LOC128462377: variants seen among roughly 807,000 people sequenced by gnomAD.
the LOC128462377 span, among the ~76,000 whole-genome samples, chr16:89,343,187 C>T: frequency 6.6e-6 from 1 of 152,130 alleles, no homozygotes; most frequent in Non-Finnish European, 1.5e-5. Flanking sequence ...GACGGGGTTT[C>T]ACCATGTTGG....
chr16:89,386,021 G>A, the LOC128462377 span, among the ~76,000 whole-genome samples: 15 of 152,350 alleles, frequency 9.8e-5, 1 homozygote, highest in African/African-American at 2.9e-4. Context: ...CTGGGACCAC[G>A]GGTGTGCGCC....
chr16:89,367,548 C>T, the LOC128462377 span, among the ~76,000 whole-genome samples: 2 of 152,192 alleles, frequency 1.3e-5, no homozygotes, highest in African/African-American at 4.8e-5. Context: ...CAGTCCCTGC[C>T]GCCTGCTCCC....
At chr16:89,403,406 C>A in the LOC128462377 span, among the ~76,000 whole-genome samples, 5 of 152,278 alleles carry the variant, frequency 3.3e-5, no homozygotes, top group South Asian at 1.0e-3. Flanking sequence ...AGAGCACACG[C>A]AGGTGAGGGC....
At chr16:89,322,899 A>C in the LOC128462377 span, among the ~76,000 whole-genome samples, 1 of 152,232 alleles carries the variant, frequency 6.6e-6, no homozygotes, top group Non-Finnish European at 1.5e-5. Context: ...GCTGGAGTGC[A>C]GCGGTGTGAT....
At chr16:89,377,704 G>C in the LOC128462377 span, among the ~76,000 whole-genome samples, 1 of 152,070 alleles carries the variant, frequency 6.6e-6, no homozygotes, top group Non-Finnish European at 1.5e-5. Context: ...TTAACTTCTT[G>C]TACAACACAC....
the LOC128462377 span, among the ~76,000 whole-genome samples, chr16:89,408,541 G>A: frequency 1.3e-5 from 2 of 152,208 alleles, no homozygotes; most frequent in African/African-American, 2.4e-5. Context: ...TGGCAGGAGT[G>A]TAACAGCCAG....
At chr16:89,398,664 C>T in the LOC128462377 span, among the ~76,000 whole-genome samples, 108 of 152,234 alleles carry the variant, frequency 7.1e-4, 1 homozygote, top group African/African-American at 2.5e-3. Flanking sequence ...AAGGTTTGAG[C>T]CCGGGAGGTT....
chr16:89,338,662 T>C, the LOC128462377 span, among the ~76,000 whole-genome samples: 1 of 139,140 alleles, frequency 7.2e-6, no homozygotes, highest in Non-Finnish European at 1.5e-5. Flanking sequence ...GAAGCTGAGG[T>C]TGCAGTGAGC....
At chr16:89,355,228 G>GGGAGGGC in the LOC128462377 span, among the ~76,000 whole-genome samples, 5 of 151,678 alleles carry the variant, frequency 3.3e-5, no homozygotes, top group Non-Finnish European at 7.4e-5. Flanking sequence ...GGCTCACGGA[G>GGGAGGGC]GGAGGGCGGA....
chr16:89,381,388 T>C, the LOC128462377 span, among the ~76,000 whole-genome samples: 2 of 148,192 alleles, frequency 1.3e-5, no homozygotes, highest in South Asian at 4.3e-4. Context: ...TTCAGACTAT[T>C]AGAAGCAAGA....
At chr16:89,321,933 G>A in the LOC128462377 span, among the ~76,000 whole-genome samples, 6 of 152,074 alleles carry the variant, frequency 3.9e-5, no homozygotes, top group Non-Finnish European at 5.9e-5. Context: ...GTGGAGACCC[G>A]CTGCTGCTGC....
the LOC128462377 span, among the ~76,000 whole-genome samples, chr16:89,337,425 A>AT: frequency 1.4e-5 from 1 of 73,262 alleles, no homozygotes; most frequent in Non-Finnish European, 2.8e-5. Context: ...TGGTCTAAGC[A>AT]ATTCTTTTTT....
At chr16:89,411,251 T>C in the LOC128462377 span, among the ~76,000 whole-genome samples, 1 of 152,310 alleles carries the variant, frequency 6.6e-6, no homozygotes, top group East Asian at 1.9e-4. Context: ...CCCAGGGACC[T>C]TTTTGCTCTA....
the LOC128462377 span, among the ~76,000 whole-genome samples, chr16:89,347,087 T>C: frequency 6.6e-6 from 1 of 151,360 alleles, no homozygotes; most frequent in Admixed American, 6.6e-5. Flanking sequence ...ACTGAGCACA[T>C]GGGCTGGGCT....
chr16:89,392,144 T>TA, the LOC128462377 span, among the ~76,000 whole-genome samples: 2 of 152,148 alleles, frequency 1.3e-5, no homozygotes. Context: ...GCAGTTGGTA[T>TA]AAAAAAACCG....
At chr16:89,368,157 C>A in the LOC128462377 span, among the ~76,000 whole-genome samples, 8 of 152,064 alleles carry the variant, frequency 5.3e-5, no homozygotes, top group Admixed American at 2.0e-4. Context: ...AAACCAGATT[C>A]CAACAATTCC....
chr16:89,351,276 G>A, the LOC128462377 span, among the ~76,000 whole-genome samples: 6 of 152,212 alleles, frequency 3.9e-5, no homozygotes, highest in South Asian at 1.3e-3. Context: ...ACGCCCACAG[G>A]CCGCCAAACA....
the LOC128462377 span, among the ~76,000 whole-genome samples, chr16:89,361,325 C>G: frequency 1.3e-5 from 2 of 152,142 alleles, no homozygotes; most frequent in Admixed American, 1.3e-4. Context: ...ATCACAGCGC[C>G]GGGGGCGGGG....
the LOC128462377 span, chr16:89,360,490 A>C: frequency 6.6e-6 from 1 of 152,240 alleles, no homozygotes; most frequent in South Asian, 2.1e-4. Flanking sequence ...AATCCTACAA[A>C]ATTTAAAAGA....
Sources: allele counts gnomAD v4.1 joint callset (sites outside exome capture counted in the v4.1 genomes callset), GRCh38; gene constraint gnomAD v4.1.1; transcripts MANE v1.5.